TLDC2: variants seen among roughly 807,000 people sequenced by gnomAD.
TLDC2 encodes TBC/LysM-associated domain containing 2.
A neutral mutation model predicts 27.9 loss-of-function variants in TLDC2; 23 were observed. That is an observed-to-expected ratio of 0.82 (90% CI 0.59 to 1.17). TLDC2 has a LOEUF of 1.17. Among genes scored for constraint, TLDC2 ranks in the 50% most tolerant of loss-of-function variants. The pLI is 0.00. For synonymous variants in TLDC2, 124 were observed against 107.4 expected, an observed-to-expected ratio of 1.16 and a Z score of -0.96; for missense variants, 286 against 273.4, an observed-to-expected ratio of 1.05 and a Z score of -0.32.
In TLDC2 at chr20:36,894,199, T is replaced by G. The variant is rs1472792295; in HGVS notation, c.*1355T>G. On this transcript the variant is annotated 3_prime_UTR_variant, in exon 7 of 7. Coordinates refer to ENST00000217320, the MANE Select transcript of TLDC2 (RefSeq NM_080628.3). ...TTTTTCTGTTGAACTACACTGGATCTGACTTGATAGAACTATTAAAAATAG... is the reference window on the plus strand; with the variant it reads ...TTTTTCTGTTGAACTACACTGGATCGGACTTGATAGAACTATTAAAAATAG... The G allele has an allele frequency of 8.0e-6, 3 of 373,202 alleles. No homozygotes were observed. Among genetic ancestry groups the G allele is most frequent in the Non-Finnish European group, 4.7e-6 (1 of 211,236 alleles). 23.1% of individuals were successfully genotyped at this position (373,202 alleles called of 1,614,324 possible).
rs1990112081 is a variant in TLDC2, at chr20:36,892,912, A to C, written c.*68A>C. Reference sequence around the variant, plus strand: ...GAATTGTGCAGGAGAGGGAGTTTGTAAACAACTGACTACAGACATTCACAT... The same window carrying C: ...GAATTGTGCAGGAGAGGGAGTTTGTCAACAACTGACTACAGACATTCACAT... On this transcript the variant is annotated 3_prime_UTR_variant, in exon 7 of 7. Coordinates refer to ENST00000217320, the MANE Select transcript of TLDC2 (RefSeq NM_080628.3). The C allele has an allele frequency of 6.2e-7, 1 of 1,614,078 alleles. No homozygotes were observed. The highest frequency in any genetic ancestry group is 1.1e-5 in the South Asian group (1 of 91,068).
chr20:36,876,744 GAC>G (rs758353077), intron 1 of TLDC2, among the ~76,000 whole-genome samples: 7 of 151,634 alleles, frequency 4.6e-5, no homozygotes, highest in East Asian at 3.9e-4. Flanking sequence ...CACACATACA[GAC>G]ACACACACAT....
At chr20:36,886,441 AAGTT>A (rs1344694747) in intron 4 of TLDC2, among the ~76,000 whole-genome samples, 1 of 152,108 alleles carries the variant, frequency 6.6e-6, no homozygotes, top group Non-Finnish European at 1.5e-5. Flanking sequence ...AAAATACAAA[AAGTT>A]AGCCGGGCGT....
intron 5 of TLDC2, among the ~76,000 whole-genome samples, chr20:36,888,481 C>T (rs1475988005): frequency 1.3e-5 from 2 of 151,580 alleles, no homozygotes; most frequent in African/African-American, 2.4e-5. Context: ...CCGAGGTGGG[C>T]GGATCACGAG....
intron 4 of TLDC2, among the ~76,000 whole-genome samples, chr20:36,887,109 G>A (rs1989936897): frequency 1.3e-5 from 2 of 152,038 alleles, no homozygotes; most frequent in East Asian, 1.9e-4. Context: ...GGTGTTGTCC[G>A]GGTGAGAGTT....
rs1461433241 is a variant in TLDC2 at position 36,877,904 on chromosome 20, C to T, written c.39C>T (p.Ser13=). Residue 13 remains serine (S), a synonymous_variant, in exon 2 of 7, where the codon AGC becomes AGT. Transcript: ENST00000217320. ...GLRWRYTRLP[S]QVEDTLSGEE... is the part of the protein sequence containing the mutation. ...GCCACTTTGTGTTTTTGCAGCCCAG[C>T]CAGGTGGAGGACACCCTGTCTGGGG... is the stretch of plus-strand genomic sequence containing the variant. 3 of 1,612,000 alleles carry T rather than the reference C, an allele frequency of 1.9e-6. No individual in the cohort carries two copies. Among genetic ancestry groups the T allele is most frequent in the African/African-American group, 2.7e-5 (2 of 74,886 alleles).
Position 36,893,853 on chromosome 20 carries a change from C to T in TLDC2, c.*1009C>T, listed in dbSNP as rs1185930290. The T allele has an allele frequency of 3.5e-5, 14 of 398,510 alleles. No homozygotes were observed. The highest frequency in any genetic ancestry group is 2.1e-4 in the East Asian group (6 of 28,094). The allele number at this position is 398,510 out of a possible 1,614,324, so 24.7% of individuals were successfully genotyped here. On this transcript the variant is annotated 3_prime_UTR_variant, in exon 7 of 7. Coordinates refer to ENST00000217320, the MANE Select transcript of TLDC2 (RefSeq NM_080628.3). ...CTACTCTGTCTCACAGGAGCTACTC[C>T]GGTAAATTACATTTCTCAGCTCCCA...
Position 36,889,414 on chromosome 20 carries a change from CT to C in TLDC2, c.*17+12del. The C allele has an allele frequency of 6.2e-7, 1 of 1,609,804 alleles. No homozygotes were observed. The highest frequency in any genetic ancestry group is 8.5e-7 in the Non-Finnish European group (1 of 1,178,664). On this transcript the variant is annotated intron_variant, in intron 6 of 6. Coordinates refer to ENST00000217320, the MANE Select transcript of TLDC2 (RefSeq NM_080628.3). ...GCCCTGCGGCAACAGGTACTCAGCC[CT>C]GCTCATGATGCCACCCAGGCCTTCC...
chr20:36,880,576 T>G, intron 3 of TLDC2, 79 bp from the exon 4 acceptor site: 1 of 1,237,212 alleles, frequency 8.1e-7, no homozygotes, highest in Non-Finnish European at 1.2e-6. Flanking sequence ...TGAGCCTGTA[T>G]TACTAAACCT....
At chr20:36,877,696 G>A (rs1171587508) in intron 1 of TLDC2, among the ~76,000 whole-genome samples, 1 of 152,192 alleles carries the variant, frequency 6.6e-6, no homozygotes, top group African/African-American at 2.4e-5. Flanking sequence ...TCAGCTGGCA[G>A]GGGCCAGGGA....
chr20:36,889,611 T>G lies in TLDC2; in HGVS notation c.*17+208T>G, dbSNP rs932565880. 3.1e-4 allele frequency: 155 copies of G among 496,794 alleles called. 1 individual carries two copies. In the Admixed American group the frequency reaches 6.0e-3, roughly 19 times the overall value. 30.8% of individuals were successfully genotyped at this position (496,794 alleles called of 1,614,324 possible). ...GGATTAAAAGACGCTTACACCTTAC[T>G]CAAGCAGCACAGAGACCCTAAGCTA... On this transcript the variant is annotated intron_variant, in intron 6 of 6. Coordinates refer to ENST00000217320, the MANE Select transcript of TLDC2 (RefSeq NM_080628.3).
rs539895300 is a variant in TLDC2 at position 36,883,923 on chromosome 20, G to A, written c.438+3173G>A. On this transcript the variant is annotated intron_variant, in intron 4 of 6. Transcript: ENST00000217320. ...CATCTGGCCAACACGGTGAAACCCC[G>A]TCTCTACTAAAAATACAAAAATTAG... 1.1e-4 allele frequency among the ~76,000 whole-genome samples: 17 copies of A among 152,202 alleles called. No individual in the cohort carries two copies. The East Asian group carries it at 3.1e-3, about 28-fold the overall frequency.
Position 36,893,709 on chromosome 20 carries a change from A to G in TLDC2, c.*865A>G. The G allele has an allele frequency of 2.5e-6, 1 of 393,576 alleles. No individual in the cohort carries two copies. Among genetic ancestry groups the G allele is most frequent in the Non-Finnish European group, 4.5e-6 (1 of 223,652 alleles). The allele number at this position is 393,576 out of a possible 1,614,324, so 24.4% of individuals were successfully genotyped here. Reference sequence around the variant, plus strand: ...ACTTGTGGGTAGATCTTCTTTGGTTACAAGATGATGCACGATCTTGGAGAG... The same window carrying G: ...ACTTGTGGGTAGATCTTCTTTGGTTGCAAGATGATGCACGATCTTGGAGAG... On this transcript the variant is annotated 3_prime_UTR_variant, in exon 7 of 7. Transcript: ENST00000217320.
At chr20:36,880,378 GA>G (rs1257354932) in intron 3 of TLDC2, among the ~76,000 whole-genome samples, 41 of 152,118 alleles carry the variant, frequency 2.7e-4, no homozygotes, top group African/African-American at 9.6e-4. Context: ...TTACAGGCAT[GA>G]GCCATCACGC....
chr20:36,883,736 C>G (rs879304193), intron 4 of TLDC2, among the ~76,000 whole-genome samples: 28 of 152,158 alleles, frequency 1.8e-4, no homozygotes, highest in Non-Finnish European at 4.0e-4. Flanking sequence ...CCTGCTATCA[C>G]CTCCTAAAAG....
At chr20:36,882,672 AGGAGCTAT>A (rs1268901808) in intron 4 of TLDC2, among the ~76,000 whole-genome samples, 2 of 152,204 alleles carry the variant, frequency 1.3e-5, no homozygotes, top group Non-Finnish European at 2.9e-5. Flanking sequence ...GGAGTTCACA[AGGAGCTAT>A]GGACTGCTTT....
chr20:36,881,902 C>T (rs547143846), intron 4 of TLDC2, among the ~76,000 whole-genome samples: 2 of 152,268 alleles, frequency 1.3e-5, no homozygotes, highest in East Asian at 3.9e-4. Flanking sequence ...GAGACACCTG[C>T]CATCCCTGGT....
chr20:36,877,042 G>A (rs932385800), intron 1 of TLDC2, among the ~76,000 whole-genome samples: 1 of 152,104 alleles, frequency 6.6e-6, no homozygotes, highest in Admixed American at 6.6e-5. Context: ...GGGCTTCATG[G>A]GGAAACCTTT....
intron 1 of TLDC2, 86 bp downstream of exon 1, chr20:36,876,293 G>T (rs746584866): frequency 1.9e-5 from 30 of 1,570,924 alleles, no homozygotes; most frequent in Admixed American, 1.2e-4. Context: ...GGCTAGGGTT[G>T]GATGCGGGCA....
Sources: gnomAD v4.1 joint callset for allele counts (sites outside exome capture counted in the v4.1 genomes callset) on GRCh38, gnomAD v4.1.1 for gene constraint, MANE v1.5 for transcripts, NCBI Gene and HGNC (gene_info 2026-07-23, HGNC 2026-07-21) for gene names.